The following TRPC6 variants were observed in gnomAD, a reference collection of about 807,000 sequenced individuals.
TRPC6 encodes the protein transient receptor potential cation channel subfamily C member 6.
In TRPC6, 55 loss-of-function variants were observed where a neutral mutation model predicts 90.7. The observed-to-expected ratio is 0.61, with a 90% CI of 0.49 to 0.76. TRPC6 has a LOEUF of 0.76. TRPC6 is among the 30% of genes least tolerant of loss of function. The pLI is 0.00. For missense variants in TRPC6, 989 were observed against 1,122.7 expected (o/e 0.88, Z 1.70); for synonymous variants, 393 against 393.0 (o/e 1.00, Z 0.00).
In TRPC6 at chr11:101,499,622, C is replaced by CAATATAAAATGTGTATATATATATAT. The variant is rs1466113112; in HGVS notation, c.945+4401_945+4402insATATATATATATACACATTTTATATT. Among the ~76,000 whole-genome samples the CAATATAAAATGTGTATATATATATAT allele has an allele frequency of 3.4e-4, 23 of 67,630 alleles. 6 individuals carry two copies. The highest frequency in any genetic ancestry group is 1.5e-3 in the African/African-American group (22 of 14,212). The allele number at this position is 67,630 out of a possible 152,430, so 44.4% of individuals were successfully genotyped here. ...CGTATATATGGTATATATATATACACACACAATATAAAATGTGTATATATA... is the reference window on the plus strand; with the variant it reads ...CGTATATATGGTATATATATATACACAATATAAAATGTGTATATATATATATACACAATATAAAATGTGTATATATA... On this transcript the variant is annotated intron_variant, in intron 2 of 12. Transcript: ENST00000344327.
chr11:101,462,416 A>AT (rs1859027028), intron 10 of TRPC6, among the ~76,000 whole-genome samples: 1 of 152,162 alleles, frequency 6.6e-6, no homozygotes, highest in Non-Finnish European at 1.5e-5. Flanking sequence ...GGCCATTTTC[A>AT]TGATATTGAT....
At chr11:101,548,363 CTTATAA>C (rs1359179274) in intron 1 of TRPC6, among the ~76,000 whole-genome samples, 2 of 124,264 alleles carry the variant, frequency 1.6e-5, no homozygotes, top group Non-Finnish European at 3.4e-5. Flanking sequence ...ATAATTATAT[CTTATAA>C]TTATAATATA....
At chr11:101,566,161 T>TA (rs879721542) in intron 1 of TRPC6, among the ~76,000 whole-genome samples, 20 of 152,196 alleles carry the variant, frequency 1.3e-4, no homozygotes, top group Non-Finnish European at 2.6e-4. Context: ...CAGGTTACAA[T>TA]AAAAATCAAC....
Position 101,550,138 on chromosome 11 carries a change from TG to T in TRPC6, c.170+33195del, listed in dbSNP as rs1286977605. On this transcript the variant is annotated intron_variant, in intron 1 of 12. Coordinates refer to ENST00000344327, the MANE Select transcript of TRPC6 (RefSeq NM_004621.6). ...AAAAAGAATCTAAATTTTTTTAAGA[TG>T]TTTTTTGCAACATTATAAGAATAAA... 2.4e-4 allele frequency among the ~76,000 whole-genome samples: 37 copies of T among 151,738 alleles called. 1 individual carries two copies. In the East Asian group the frequency reaches 2.9e-3, roughly 12 times the overall value.
chr11:101,564,945 G>A (rs550379205), intron 1 of TRPC6, among the ~76,000 whole-genome samples: 8 of 151,872 alleles, frequency 5.3e-5, no homozygotes, highest in South Asian at 4.2e-4. Context: ...TTTCAACAAG[G>A]GTACAAAGAA....
rs113059971 is a variant in TRPC6 at position 101,546,021 on chromosome 11, A to G, written c.170+37313T>C. On this transcript the variant is annotated intron_variant, in intron 1 of 12. Coordinates refer to ENST00000344327, the MANE Select transcript of TRPC6 (RefSeq NM_004621.6). ...AACTGAGTTCACAGGAAATAAAAAA[A>G]TAATGGATCTAGTATCACATTTATA... Among the ~76,000 whole-genome samples the G allele has an allele frequency of 4.3e-3, 619 of 143,296 alleles. 29 individuals carry two copies. The highest frequency in any genetic ancestry group is 0.011 in the Middle Eastern group (3 of 282). 94.0% of individuals were successfully genotyped at this position (143,296 alleles called of 152,430 possible).
rs1859589225 is a variant in TRPC6 at position 101,483,046 on chromosome 11, AAGG to A, written c.1410_1412del (p.Leu471del). ...CATTATCTGTGCTGGTTTCATTAGG[AAGG>A]AGTTTTGTGCCTTCAAATCTGTCAG... is the stretch of plus-strand genomic sequence containing the variant. On this transcript the variant is annotated inframe_deletion, in exon 5 of 13. Coordinates refer to ENST00000344327, the MANE Select transcript of TRPC6 (RefSeq NM_004621.6). The A allele has an allele frequency of 6.2e-7, 1 of 1,613,978 alleles. No individual in the cohort carries two copies. The highest frequency in any genetic ancestry group is 1.3e-5 in the African/African-American group (1 of 74,932).
At chr11:101,528,808 G>A (rs147053118) in intron 1 of TRPC6, among the ~76,000 whole-genome samples, 370 of 152,164 alleles carry the variant, frequency 2.4e-3, no homozygotes, top group African/African-American at 8.3e-3. Flanking sequence ...AAGATTCTTA[G>A]ATGTTTTCTG....
At chr11:101,572,884 G>C (rs1388678600) in intron 1 of TRPC6, among the ~76,000 whole-genome samples, 1 of 152,036 alleles carries the variant, frequency 6.6e-6, no homozygotes, top group Non-Finnish European at 1.5e-5. Context: ...GGGACGGATA[G>C]CATTAGGAGA....
At chr11:101,457,167 A>G (rs1333779406) in intron 10 of TRPC6, among the ~76,000 whole-genome samples, 1 of 152,190 alleles carries the variant, frequency 6.6e-6, no homozygotes, top group Non-Finnish European at 1.5e-5. Flanking sequence ...GTATACTGTC[A>G]TAGAGGTTGG....
chr11:101,519,305 A>G (rs1453256468), intron 1 of TRPC6, among the ~76,000 whole-genome samples: 1 of 123,706 alleles, frequency 8.1e-6, no homozygotes, highest in Non-Finnish European at 1.8e-5. Flanking sequence ...CCTGTACCCC[A>G]TAAATATATA....
intron 2 of TRPC6, among the ~76,000 whole-genome samples, chr11:101,502,842 T>C (rs987234994): frequency 3.9e-5 from 6 of 152,144 alleles, no homozygotes; most frequent in African/African-American, 9.7e-5. Flanking sequence ...TGAGGATAGA[T>C]AGACACATGA....
At position 101,453,669 on chromosome 11, in the gene TRPC6, C is replaced by T; in HGVS notation, c.2625G>A (p.Glu875=). The change falls in exon 12 of 13, where the codon GAG becomes GAA. Residue 875 remains glutamate (E), a synonymous_variant. Coordinates refer to ENST00000344327, the MANE Select transcript of TRPC6 (RefSeq NM_004621.6). The part of the protein sequence containing the change: ...RYVLQAQIDK[E]SDEVNEGELK... Reference sequence around the variant, plus strand: ...ACTCACCTTCGTTCACTTCATCACTCTCCTTATCTATCTGGGCCTGCAGTA... The same window carrying T: ...ACTCACCTTCGTTCACTTCATCACTTTCCTTATCTATCTGGGCCTGCAGTA... 1 of 1,613,980 alleles carries T rather than the reference C, an allele frequency of 6.2e-7. No individual in the cohort carries two copies. The highest frequency in any genetic ancestry group is 1.1e-5 in the South Asian group (1 of 91,080).
At position 101,499,763 on chromosome 11, in the gene TRPC6, A is replaced by ATATATATACACAGTATAAAATGTG. The variant is rs1860056835; in HGVS notation, c.945+4260_945+4261insCACATTTTATACTGTGTATATATA. ...TATATATACACAATATATAATGTGT[A>ATATATATACACAGTATAAAATGTG]TATATATATATACACAGTATAAAAT... On this transcript the variant is annotated intron_variant, in intron 2 of 12. Transcript: ENST00000344327. Among the ~76,000 whole-genome samples, 9 of 446 alleles carry ATATATATACACAGTATAAAATGTG rather than the reference A, an allele frequency of 0.02. 3 individuals carry two copies. In the Non-Finnish European group the frequency reaches 0.21, roughly 10 times the overall value. 0.3% of individuals were successfully genotyped at this position (446 alleles called of 152,430 possible).
chr11:101,563,220 T>C (rs1197444623), intron 1 of TRPC6, among the ~76,000 whole-genome samples: 4 of 152,170 alleles, frequency 2.6e-5, no homozygotes, highest in South Asian at 4.1e-4. Context: ...TTCTACCACA[T>C]AGTGTTGTAC....
At chr11:101,530,416 G>T (rs1308941865) in intron 1 of TRPC6, among the ~76,000 whole-genome samples, 1 of 152,116 alleles carries the variant, frequency 6.6e-6, no homozygotes, top group Non-Finnish European at 1.5e-5. Context: ...AACCTGGCAG[G>T]AGATACGCCC....
chr11:101,583,395 C>G lies in TRPC6; in HGVS notation c.109G>C (p.Glu37Gln), dbSNP rs562226324. The change falls in exon 1 of 13, where the codon GAG (glutamate) becomes CAG (glutamine). Residue 37 changes from glutamate to glutamine, a missense_variant. Glu to Gln is a conservative substitution (Grantham distance 29, BLOSUM62 2). Coordinates refer to ENST00000344327, the MANE Select transcript of TRPC6 (RefSeq NM_004621.6). ...ESQDYLLMDS[E>Q]LGEDGCPQAP... Reference sequence around the variant, plus strand: ...TGCGGGCAGCCGTCTTCTCCCAGCTCCGAGTCCATGAGCAGATAGTCCTGG... The same window carrying G: ...TGCGGGCAGCCGTCTTCTCCCAGCTGCGAGTCCATGAGCAGATAGTCCTGG... The G allele has an allele frequency of 3.1e-6, 5 of 1,589,988 alleles. No individual in the cohort carries two copies. In the East Asian group the frequency reaches 6.9e-5, roughly 22 times the overall value.
rs1491375668 is a variant in TRPC6 at position 101,452,441 on chromosome 11, GAT to G, written c.*512_*513del. The G allele has an allele frequency of 2.5e-5, 4 of 158,806 alleles. No homozygotes were observed. The highest frequency in any genetic ancestry group is 1.8e-4 in the Admixed American group (3 of 16,900). 9.8% of individuals were successfully genotyped at this position (158,806 alleles called of 1,614,324 possible). A position where few individuals can be genotyped will look rare whatever the true frequency, so the allele number is the denominator to read the frequency against. ...ACGGTATCAATCATGTGCATTGAGG[GAT>G]AAGTAGGGTAAATGGTGTTTAAACA... On this transcript the variant is annotated 3_prime_UTR_variant, in exon 13 of 13. Transcript: ENST00000344327.
intron 1 of TRPC6, among the ~76,000 whole-genome samples, chr11:101,560,387 T>C (rs758686530): frequency 2.6e-5 from 4 of 152,158 alleles, no homozygotes; most frequent in Non-Finnish European, 5.9e-5. Flanking sequence ...ATCAATTTTA[T>C]GTAAGGCTGC....
Sources: gnomAD v4.1 joint callset for allele counts (sites outside exome capture counted in the v4.1 genomes callset) on GRCh38, gnomAD v4.1.1 for gene constraint, MANE v1.5 for transcripts, NCBI Gene and HGNC (gene_info 2026-07-23, HGNC 2026-07-21) for gene names.